Variants in ABCA12 observed in about 807,000 individuals in gnomAD.
ABCA12 encodes ATP binding cassette subfamily A member 12, also known as glucosylceramide transporter ABCA12.
A neutral mutation model predicts 293.5 loss-of-function variants in ABCA12; 156 were observed. The observed-to-expected ratio is 0.53, with a 90% CI of 0.47 to 0.61. The LOEUF (loss-of-function observed/expected upper bound fraction) is 0.61. Among genes scored for constraint, ABCA12 ranks in the 20% least tolerant of loss-of-function variants. The pLI, the probability that ABCA12 is intolerant of heterozygous loss-of-function variation, is 0.00. For missense variants in ABCA12, 2,797 were observed against 3,090.2 expected (o/e 0.91, Z 2.25); for synonymous variants, 1,063 against 1,108.0 (o/e 0.96, Z 0.81).
chr2:215,134,017 T>C (rs1703119129), intron 1 of ABCA12, among the ~76,000 whole-genome samples: 1 of 151,978 alleles, frequency 6.6e-6, no homozygotes, highest in Non-Finnish European at 1.5e-5. Flanking sequence ...GTCAGTTAGA[T>C]ATGTCCCAAT....
chr2:215,011,512 G>A lies in ABCA12; in HGVS notation c.2259C>T (p.His753=). The change falls in exon 17 of 53, where the codon CAC becomes CAT. Residue 753 remains histidine, a synonymous_variant. Transcript: ENST00000272895. ...ATTTATAAGTCAAAAAATCCTTGGT[G>A]TGGTTGCCTTTTGGCCTCTGGGAAG... The part of the protein sequence containing the change: ...LPSSQRPKGN[H]TKDFLTYKLT... 1 of 1,614,010 alleles carries A rather than the reference G, an allele frequency of 6.2e-7. No individual in the cohort carries two copies. Among genetic ancestry groups the A allele is most frequent in the Non-Finnish European group, 8.5e-7 (1 of 1,179,910 alleles).
Position 214,949,035 on chromosome 2 carries a change from C to T in ABCA12, c.6962+5G>A, listed in dbSNP as rs201877187. ...TCGCTAAATTGAAGCATTAGTTTTT[C>T]ATACCCGGTCTTATTTCTGATCAGA... On this transcript the variant is annotated splice_donor_5th_base_variant and intron_variant, in intron 46 of 52. Coordinates refer to ENST00000272895, the MANE Select transcript of ABCA12 (RefSeq NM_173076.3). 5.6e-4 allele frequency: 900 copies of T among 1,608,376 alleles called. No homozygotes were observed. The highest frequency in any genetic ancestry group is 7.2e-4 in the Non-Finnish European group (845 of 1,175,110).
intron 2 of ABCA12, among the ~76,000 whole-genome samples, chr2:215,104,918 T>C (rs1702433485): frequency 6.6e-6 from 1 of 152,184 alleles, no homozygotes. Flanking sequence ...ATAATCAGAT[T>C]TACCTGGATC....
At chr2:214,948,369 G>A (rs866463266) in intron 47 of ABCA12, among the ~76,000 whole-genome samples, 6 of 152,098 alleles carry the variant, frequency 3.9e-5, no homozygotes, top group African/African-American at 7.2e-5. Flanking sequence ...ACAAACACGG[G>A]CCAAGGAGTT....
intron 3 of ABCA12, among the ~76,000 whole-genome samples, chr2:215,055,075 G>C (rs1182458202): frequency 6.6e-6 from 1 of 152,082 alleles, no homozygotes; most frequent in African/African-American, 2.4e-5. Flanking sequence ...AGAAAAATAA[G>C]TTTTCTATGT....
intron 48 of ABCA12, 140 bp downstream of exon 48, chr2:214,947,282 A>G: frequency 8.5e-7 from 1 of 1,178,896 alleles, no homozygotes. Context: ...TAGTATACAT[A>G]AAGTGCTTTG....
At chr2:214,986,808 A>G in intron 27 of ABCA12, 80 bp from the exon 28 acceptor site, 1 of 1,266,200 alleles carries the variant, frequency 7.9e-7, no homozygotes, top group African/African-American at 1.5e-5. Context: ...TTTATTAAAA[A>G]TTTAAGACTA....
chr2:215,025,908 C>T (rs1574993431), intron 10 of ABCA12, 129 bp from the exon 11 acceptor site: 2 of 642,156 alleles, frequency 3.1e-6, no homozygotes, highest in East Asian at 5.6e-5. Context: ...TCAATACAAA[C>T]ATAAGATGAA....
chr2:215,129,289 C>T (rs956679555), intron 1 of ABCA12, among the ~76,000 whole-genome samples: 1 of 152,142 alleles, frequency 6.6e-6, no homozygotes, highest in Non-Finnish European at 1.5e-5. Flanking sequence ...CCTTCAGGAG[C>T]AGTCCACTTC....
rs1164171632 is a variant in ABCA12 at position 214,971,624 on chromosome 2, TATTATG to T, written c.5563-1230_5563-1225del. On this transcript the variant is annotated intron_variant, in intron 36 of 52. Coordinates refer to ENST00000272895, the MANE Select transcript of ABCA12 (RefSeq NM_173076.3). ...CTTGTGTCTGGTTCTTTTCACTCAT[TATTATG>T]ATTATGAGAATCTTCCATATGTTAT... is the stretch of plus-strand genomic sequence containing the variant. 3.9e-5 allele frequency among the ~76,000 whole-genome samples: 6 copies of T among 152,310 alleles called. No homozygotes were observed. In the East Asian group the frequency reaches 1.2e-3, roughly 29 times the overall value.
chr2:214,932,790 A>G, intron 52 of ABCA12, 49 bp from the exon 53 acceptor site: 1 of 1,362,034 alleles, frequency 7.3e-7, no homozygotes, highest in Admixed American at 1.7e-5. Context: ...AAGCCAAAGG[A>G]AAAAATAAAG....
intron 1 of ABCA12, among the ~76,000 whole-genome samples, chr2:215,126,420 G>T (rs188351688): frequency 6.6e-6 from 1 of 152,028 alleles, no homozygotes; most frequent in African/African-American, 2.4e-5. Context: ...CTGTGAATCT[G>T]TCTGGTCCTG....
chr2:214,973,742 T>C (rs1351960462), intron 36 of ABCA12, among the ~76,000 whole-genome samples: 1 of 152,196 alleles, frequency 6.6e-6, no homozygotes, highest in African/African-American at 2.4e-5. Flanking sequence ...TTACCTACCT[T>C]TGGAAATTGG....
intron 2 of ABCA12, among the ~76,000 whole-genome samples, chr2:215,108,213 G>T (rs1575049276): frequency 6.6e-6 from 1 of 152,292 alleles, no homozygotes; most frequent in East Asian, 1.9e-4. Context: ...CAGCTACAAT[G>T]CTTCATGAAG....
intron 38 of ABCA12, among the ~76,000 whole-genome samples, 174 bp downstream of exon 38, chr2:214,968,546 T>C (rs1258221900): frequency 2.6e-5 from 4 of 152,164 alleles, no homozygotes; most frequent in African/African-American, 9.6e-5. Context: ...CTGATGCTAA[T>C]GTGTACATGC....
At chr2:215,031,933 A>C in intron 8 of ABCA12, 37 bp from the exon 9 acceptor site, 1 of 1,612,018 alleles carries the variant, frequency 6.2e-7, no homozygotes, top group African/African-American at 1.3e-5. Context: ...AACATTTAAC[A>C]TGTTTGCTTA....
At chr2:215,095,860 C>T (rs1453824543) in intron 2 of ABCA12, among the ~76,000 whole-genome samples, 5 of 152,138 alleles carry the variant, frequency 3.3e-5, no homozygotes, top group Non-Finnish European at 7.4e-5. Flanking sequence ...AAGAACAACC[C>T]CCTTTGACTG....
At chr2:215,000,217 A>C (rs1459947758) in intron 22 of ABCA12, among the ~76,000 whole-genome samples, 1 of 152,248 alleles carries the variant, frequency 6.6e-6, no homozygotes, top group African/African-American at 2.4e-5. Context: ...CAGGTAGCAC[A>C]ATATTTATCT....
chr2:215,075,288 G>A (rs934034118), intron 2 of ABCA12, among the ~76,000 whole-genome samples: 18 of 152,102 alleles, frequency 1.2e-4, no homozygotes, highest in African/African-American at 4.3e-4. Context: ...TACCAAGAAA[G>A]ATAATGAAAA....
Sources: gnomAD v4.1 joint callset for allele counts (sites outside exome capture counted in the v4.1 genomes callset) on GRCh38, gnomAD v4.1.1 for gene constraint, MANE v1.5 for transcripts, NCBI Gene and HGNC (gene_info 2026-07-23, HGNC 2026-07-21) for gene names.